Variants in SP4 observed in about 807,000 individuals in gnomAD.
SP4 encodes the protein transcription factor Sp4.
SP4 carries 19 observed loss-of-function variants against 72.8 expected under a neutral mutation model. The ratio of observed to expected loss-of-function variants is 0.26; its 90% CI spans 0.18 to 0.38. The LOEUF (loss-of-function observed/expected upper bound fraction) is 0.38. SP4 is among the 10% of genes least tolerant of loss of function. SP4 has a pLI of 1.00. For missense variants in SP4, 1,008 were observed against 926.3 expected, an observed-to-expected ratio of 1.09 and a Z score of -1.14; for synonymous variants, 395 against 333.1, an observed-to-expected ratio of 1.19 and a Z score of -2.02.
At chr7:21,466,594 A>G (rs1030113066) in intron 3 of SP4, among the ~76,000 whole-genome samples, 2 of 152,174 alleles carry the variant, frequency 1.3e-5, no homozygotes, top group Admixed American at 6.5e-5. Context: ...CAGATTGTAC[A>G]TAACCCATAG....
At chr7:21,486,323 T>C (rs1583434950) in intron 5 of SP4, among the ~76,000 whole-genome samples, 1 of 152,236 alleles carries the variant, frequency 6.6e-6, no homozygotes, top group African/African-American at 2.4e-5. Context: ...ACTTCTTGTA[T>C]AACCACAGTA....
chr7:21,428,299 C>CCTCT, intron 1 of SP4, 41 bp downstream of exon 1: 1 of 1,149,292 alleles, frequency 8.7e-7, no homozygotes, highest in African/African-American at 1.5e-5. Flanking sequence ...TCGCCGCCTC[C>CCTCT]CTCTCTCCCT....
intron 3 of SP4, among the ~76,000 whole-genome samples, chr7:21,461,351 T>C (rs546577156): frequency 6.6e-6 from 1 of 152,154 alleles, no homozygotes; most frequent in East Asian, 1.9e-4. Context: ...GACTCAGGCA[T>C]GGTGGACTGC....
At chr7:21,469,958 T>C (rs1784283179) in intron 3 of SP4, among the ~76,000 whole-genome samples, 1 of 151,696 alleles carries the variant, frequency 6.6e-6, no homozygotes, top group African/African-American at 2.4e-5. Flanking sequence ...CCTGAGAGAG[T>C]AGTACATAGT....
At chr7:21,447,995 ACTT>A (rs1783479684) in intron 3 of SP4, among the ~76,000 whole-genome samples, 2 of 152,216 alleles carry the variant, frequency 1.3e-5, no homozygotes, top group African/African-American at 4.8e-5. Context: ...GGAAGAAAGT[ACTT>A]CTTTACATAA....
intron 3 of SP4, among the ~76,000 whole-genome samples, chr7:21,441,992 ATG>A (rs1223877821): frequency 9.3e-6 from 1 of 107,736 alleles, no homozygotes; most frequent in Non-Finnish European, 1.9e-5. Flanking sequence ...ATTTCATTTT[ATG>A]TGTGTGTGTG....
rs752983130 is a variant in SP4, at chr7:21,428,679, CAGAAGA to C, written c.13_18del (p.Lys5_Lys6del). ...TGTGGTGGGGGGGTTTGTTGCAGAT[CAGAAGA>C]AGGAGGAGGAGGAGGAGGCGGCAGC... On this transcript the variant is annotated inframe_deletion, in exon 2 of 6. Transcript: ENST00000222584. 6.5e-7 allele frequency: 1 copy of C among 1,548,070 alleles called. No homozygotes were observed. Among genetic ancestry groups the C allele is most frequent in the Non-Finnish European group, 8.7e-7 (1 of 1,143,522 alleles).
chr7:21,485,103 A>G (rs1784777795), intron 5 of SP4, among the ~76,000 whole-genome samples: 1 of 152,074 alleles, frequency 6.6e-6, no homozygotes, highest in East Asian at 1.9e-4. Context: ...AAGATTTAAC[A>G]GAGTAACTCC....
At chr7:21,492,512 G>T (rs958705834) in intron 5 of SP4, among the ~76,000 whole-genome samples, 1 of 151,850 alleles carries the variant, frequency 6.6e-6, no homozygotes, top group Non-Finnish European at 1.5e-5. Context: ...TCAAAAATCT[G>T]GGAAAAAAAT....
intron 5 of SP4, among the ~76,000 whole-genome samples, chr7:21,502,045 C>CT (rs1554301411): frequency 9.0e-6 from 1 of 111,290 alleles, no homozygotes; most frequent in South Asian, 4.9e-4. Context: ...TAGGCACCCC[C>CT]CCCCCCCCGG....
chr7:21,477,764 C>A (rs2128409776), intron 4 of SP4, among the ~76,000 whole-genome samples: 1 of 152,288 alleles, frequency 6.6e-6, no homozygotes, highest in African/African-American at 2.4e-5. Flanking sequence ...TGGTCTCGAA[C>A]TCCTGACCTC....
intron 3 of SP4, among the ~76,000 whole-genome samples, chr7:21,469,823 A>G (rs28666837): frequency 0.035 from 5,369 of 152,080 alleles, 351 homozygotes; most frequent in East Asian, 0.26. Flanking sequence ...AAGTGCTGCA[A>G]TTACAGTCAT....
intron 5 of SP4, among the ~76,000 whole-genome samples, chr7:21,495,258 T>C (rs1785079318): frequency 6.6e-6 from 1 of 152,112 alleles, no homozygotes; most frequent in East Asian, 1.9e-4. Context: ...CTAAAAACTT[T>C]TGCTCTGTGA....
chr7:21,470,176 A>G (rs1021630867), intron 3 of SP4, among the ~76,000 whole-genome samples: 2 of 152,196 alleles, frequency 1.3e-5, no homozygotes, highest in Non-Finnish European at 2.9e-5. Context: ...GAAAGCTTCT[A>G]TGTTTGTATA....
intron 3 of SP4, among the ~76,000 whole-genome samples, chr7:21,442,097 G>T (rs1783277206): frequency 6.9e-6 from 1 of 144,648 alleles, no homozygotes; most frequent in Non-Finnish European, 1.5e-5. Context: ...GGAGTGCAGT[G>T]CCACAATCTC....
rs776255308 is a variant in SP4 at position 21,429,527 on chromosome 7, C to T, written c.362C>T (p.Ala121Val). The T allele has an allele frequency of 8.1e-6, 13 of 1,613,894 alleles. No individual in the cohort carries two copies. Among genetic ancestry groups the T allele is most frequent in the Non-Finnish European group, 1.1e-5 (13 of 1,179,854 alleles). Residue 121 changes from alanine to valine, a missense_variant, in exon 3 of 6, where the codon GCC (alanine) becomes GTC (valine). Around this residue, in one of 3 missense-constraint regions of SP4, gnomAD observed 893 missense variants for 743.3 expected, o/e 1.20. Coordinates refer to ENST00000222584, the MANE Select transcript of SP4 (RefSeq NM_003112.5). ...ASKENNVSQP[A>V]SSSSSSSSSN... ...AAAGAGAATAACGTTTCTCAACCAG[C>T]CTCTAGTTCGTCTAGTTCTTCCAGC...
rs937692924 is a variant in SP4 at position 21,512,144 on chromosome 7, T to C, written c.*875T>C. The C allele has an allele frequency of 6.6e-6, 1 of 152,638 alleles. No homozygotes were observed. The highest frequency in any genetic ancestry group is 6.5e-5 in the Admixed American group (1 of 15,286). The allele number at this position is 152,638 out of a possible 1,614,324, so 9.5% of individuals were successfully genotyped here. A position where few individuals can be genotyped will look rare whatever the true frequency, so the allele number is the denominator to read the frequency against. On this transcript the variant is annotated 3_prime_UTR_variant, in exon 6 of 6. Transcript: ENST00000222584. ...TTTAAAATGTTTATATTTGGAAATA[T>C]TTGCATAGAGTGTAAATTGTTCTGT...
chr7:21,467,409 T>C (rs774360044), intron 3 of SP4, among the ~76,000 whole-genome samples: 5 of 152,168 alleles, frequency 3.3e-5, no homozygotes, highest in Non-Finnish European at 5.9e-5. Context: ...GTATATTCAA[T>C]GGCTTTTGGT....
At position 21,429,998 on chromosome 7, in the gene SP4, G is replaced by T; in HGVS notation, c.833G>T (p.Gly278Val). ...GTGATAAACAACGTGGCTGCCGGAG[G>T]AGGGACTGGGCAGGTTGGCCAGCCT... ...LPVINNVAAG[G>V]GTGQVGQPAA... Residue 278 changes from glycine (G) to valine (V), a missense_variant, in exon 3 of 6, where the codon GGA becomes GTA. This residue lies in a region of SP4 where 893 missense variants were observed against 743.3 expected (regional missense o/e 1.20). Coordinates refer to ENST00000222584, the MANE Select transcript of SP4 (RefSeq NM_003112.5). 1 of 1,614,200 alleles carries T rather than the reference G, an allele frequency of 6.2e-7. No homozygotes were observed. The highest frequency in any genetic ancestry group is 1.1e-5 in the South Asian group (1 of 91,086).
Sources: allele counts gnomAD v4.1 joint callset (sites outside exome capture counted in the v4.1 genomes callset), GRCh38; gene constraint gnomAD v4.1.1; regional missense constraint gnomAD v4.1.1; transcripts MANE v1.5; gene names NCBI Gene and HGNC (gene_info 2026-07-23, HGNC 2026-07-21).